The following OXR1 variants were observed in gnomAD, a reference collection of about 807,000 sequenced individuals.
OXR1 encodes oxidation resistance 1, also known as oxidation resistance protein 1.
Under a neutral mutation model 104.6 loss-of-function variants are expected in OXR1, and 41 were observed. That is an observed-to-expected ratio of 0.39 (90% CI 0.31 to 0.51). OXR1 has a LOEUF of 0.51. Ranked by LOEUF, OXR1 falls within the 20% of genes least tolerant of loss-of-function variation. The probability of loss-of-function intolerance (pLI) is 0.77; values close to 1 mark genes in which losing one functional copy is unlikely to be tolerated. For synonymous variants in OXR1, 348 were observed against 348.4 expected (o/e 1.00, Z 0.01); for missense variants, 955 against 1,031.9 (o/e 0.93, Z 1.02).
intron 3 of OXR1, among the ~76,000 whole-genome samples, chr8:106,551,687 C>T (rs1394302157): frequency 6.6e-6 from 1 of 151,384 alleles, no homozygotes; most frequent in Non-Finnish European, 1.5e-5. Context: ...ATGGCTCCCA[C>T]CTGTAATCCC....
intron 6 of OXR1, 82 bp from the exon 7 acceptor site, chr8:106,692,646 A>C: frequency 6.8e-6 from 5 of 736,548 alleles, no homozygotes; most frequent in Non-Finnish European, 1.0e-5. Context: ...GGGGAAAGCT[A>C]TTCATTTGAC....
At chr8:106,561,821 T>C (rs904036879) in intron 3 of OXR1, among the ~76,000 whole-genome samples, 2 of 152,144 alleles carry the variant, frequency 1.3e-5, no homozygotes, top group Non-Finnish European at 2.9e-5. Flanking sequence ...CTGCTGGTGA[T>C]ACCCAGGCAA....
intron 2 of OXR1, among the ~76,000 whole-genome samples, chr8:106,412,606 T>C (rs1410930994): frequency 6.6e-6 from 1 of 151,740 alleles, no homozygotes; most frequent in African/African-American, 2.4e-5. Flanking sequence ...GTGGAGTGAG[T>C]ACGCAGGGAG....
At chr8:106,657,001 A>T (rs181098854) in intron 3 of OXR1, among the ~76,000 whole-genome samples, 1 of 152,234 alleles carries the variant, frequency 6.6e-6, no homozygotes, top group East Asian at 1.9e-4. Flanking sequence ...ATTCCAAGAA[A>T]GAGGGTTTAA....
intron 2 of OXR1, among the ~76,000 whole-genome samples, chr8:106,512,417 AC>A (rs1314752429): frequency 6.6e-6 from 1 of 152,066 alleles, no homozygotes; most frequent in East Asian, 1.9e-4. Context: ...TACTATTACC[AC>A]CAATATCTTA....
chr8:106,320,185 C>G (rs1814155853), intron 1 of OXR1, among the ~76,000 whole-genome samples: 1 of 152,102 alleles, frequency 6.6e-6, no homozygotes, highest in Admixed American at 6.6e-5. Flanking sequence ...GAAGTTTAGC[C>G]CCTCATTCTG....
At chr8:106,514,597 G>A (rs1269324163) in intron 2 of OXR1, among the ~76,000 whole-genome samples, 5 of 152,052 alleles carry the variant, frequency 3.3e-5, no homozygotes, top group South Asian at 2.1e-4. Context: ...TCAGTGCCAC[G>A]TCCTTTGCTC....
intron 1 of OXR1, among the ~76,000 whole-genome samples, chr8:106,313,582 A>G (rs1813799487): frequency 6.6e-6 from 1 of 152,106 alleles, no homozygotes; most frequent in African/African-American, 2.4e-5. Context: ...TCATTGCATG[A>G]TACACCATTG....
At chr8:106,579,954 G>T (rs186294634) in intron 3 of OXR1, among the ~76,000 whole-genome samples, 4 of 151,928 alleles carry the variant, frequency 2.6e-5, no homozygotes, top group Non-Finnish European at 5.9e-5. Context: ...CACACTTCCC[G>T]CCAGCTGCAT....
At chr8:106,665,213 A>G (rs890876701) in intron 3 of OXR1, among the ~76,000 whole-genome samples, 7 of 152,074 alleles carry the variant, frequency 4.6e-5, no homozygotes, top group Admixed American at 3.3e-4. Context: ...ACACACACAC[A>G]CGCACACAAA....
At chr8:106,520,908 A>C (rs1184175557) in intron 3 of OXR1, among the ~76,000 whole-genome samples, 1 of 152,216 alleles carries the variant, frequency 6.6e-6, no homozygotes, top group East Asian at 1.9e-4. Flanking sequence ...ACCATGACTA[A>C]TGGGCTAAGC....
chr8:106,698,716 A>G (rs1311902908), intron 7 of OXR1, among the ~76,000 whole-genome samples: 1 of 151,970 alleles, frequency 6.6e-6, no homozygotes, highest in East Asian at 1.9e-4. Flanking sequence ...TCTCCCTGTA[A>G]GTTCATACTG....
At chr8:106,482,378 G>C (rs1252818107) in intron 2 of OXR1, among the ~76,000 whole-genome samples, 1 of 149,498 alleles carries the variant, frequency 6.7e-6, no homozygotes, top group African/African-American at 2.5e-5. Context: ...TGATGAGGCA[G>C]TGTGGGATAT....
intron 2 of OXR1, among the ~76,000 whole-genome samples, chr8:106,444,663 A>T (rs1819939521): frequency 6.6e-6 from 1 of 152,082 alleles, no homozygotes; most frequent in East Asian, 1.9e-4. Context: ...CAGGGAGGGT[A>T]ACAACACCCA....
intron 2 of OXR1, among the ~76,000 whole-genome samples, chr8:106,430,483 C>A (rs188314101): frequency 1.4e-3 from 212 of 152,290 alleles, no homozygotes; most frequent in Non-Finnish European, 2.2e-3. Flanking sequence ...ATAAAGACTT[C>A]ATTACCTAAC....
At chr8:106,493,683 TG>T (rs1177025765) in intron 2 of OXR1, among the ~76,000 whole-genome samples, 6 of 152,236 alleles carry the variant, frequency 3.9e-5, no homozygotes, top group Admixed American at 3.9e-4. Context: ...TCCCAAGCCA[TG>T]CTTATGTCTT....
At chr8:106,669,497 GT>G (rs939589288) in intron 3 of OXR1, among the ~76,000 whole-genome samples, 2 of 151,698 alleles carry the variant, frequency 1.3e-5, no homozygotes, top group African/African-American at 2.4e-5. Flanking sequence ...GAAAATACAG[GT>G]TTTTTTCCCT....
intron 2 of OXR1, among the ~76,000 whole-genome samples, chr8:106,457,130 C>A (rs35201405): frequency 0.12 from 17,794 of 152,116 alleles, 1,492 homozygotes; most frequent in East Asian, 0.41. Flanking sequence ...AATCACTGTG[C>A]TAGGTACTGG....
At chr8:106,621,260 C>G (rs1821673260) in intron 3 of OXR1, among the ~76,000 whole-genome samples, 1 of 152,008 alleles carries the variant, frequency 6.6e-6, no homozygotes, top group Non-Finnish European at 1.5e-5. Context: ...TTGATTCTTT[C>G]CATTTAAAAG....
Sources: allele counts gnomAD v4.1 joint callset (sites outside exome capture counted in the v4.1 genomes callset), GRCh38; gene constraint gnomAD v4.1.1; transcripts MANE v1.5; gene names NCBI Gene and HGNC (gene_info 2026-07-23, HGNC 2026-07-21).